The following RPGRIP1L variants were observed in gnomAD, a reference collection of about 807,000 sequenced individuals.
RPGRIP1L encodes the protein RPGRIP1 like.
RPGRIP1L carries 131 observed loss-of-function variants against 160.4 expected under a neutral mutation model. The observed-to-expected ratio is 0.82, with a 90% CI of 0.71 to 0.94. RPGRIP1L has a LOEUF of 0.94. RPGRIP1L is among the 40% of genes least tolerant of loss of function. The pLI, the probability that RPGRIP1L is intolerant of heterozygous loss-of-function variation, is 0.00. For missense variants in RPGRIP1L, 1,522 were observed against 1,535.8 expected (o/e 0.99, Z 0.15); for synonymous variants, 510 against 515.8 (o/e 0.99, Z 0.15).
chr16:53,641,604 A>G (rs1966229465), intron 17 of RPGRIP1L, 129 bp from the exon 18 acceptor site: 1 of 802,426 alleles, frequency 1.2e-6, no homozygotes, highest in East Asian at 2.7e-5. Context: ...AGGTGGTTGT[A>G]CCCCCTACTT....
rs371510877 is a variant in RPGRIP1L at position 53,687,268 on chromosome 16, G to T, written c.632+595C>A. On this transcript the variant is annotated intron_variant, in intron 5 of 26. Transcript: ENST00000647211. ...AGTATTGTTACTTTTTGATGATCCA[G>T]GTGAAGGCTTAAAGTGGAACCTTAC... is the stretch of plus-strand genomic sequence containing the variant. 2.3e-3 allele frequency among the ~76,000 whole-genome samples: 352 copies of T among 152,198 alleles called. 2 individuals carry two copies. The highest frequency in any genetic ancestry group is 7.8e-3 in the African/African-American group (323 of 41,562).
At chr16:53,673,086 G>T in intron 7 of RPGRIP1L, 70 bp from the exon 8 acceptor site, 1 of 1,378,642 alleles carries the variant, frequency 7.3e-7, no homozygotes. Flanking sequence ...TAAATGATTT[G>T]ACTAAATGAT....
intron 14 of RPGRIP1L, among the ~76,000 whole-genome samples, chr16:53,653,974 T>C (rs1967029802): frequency 6.6e-6 from 1 of 152,180 alleles, no homozygotes; most frequent in South Asian, 2.1e-4. Context: ...TGTTTTTTTG[T>C]ATGTTTTGAG....
In RPGRIP1L at chr16:53,683,615, T is replaced by A. The variant is rs575672520; in HGVS notation, c.776+2818A>T. ...TAGATGAAACAAGATTGGTAAGATG[T>A]TAATAGTTGTTAAAGCTGAGTGATG... On this transcript the variant is annotated intron_variant, in intron 6 of 26. Transcript: ENST00000647211. Among the ~76,000 whole-genome samples the A allele has an allele frequency of 2.0e-5, 3 of 151,638 alleles. No homozygotes were observed. The South Asian group carries it at 6.3e-4, about 32-fold the overall frequency.
At position 53,601,006 on chromosome 16, in the gene RPGRIP1L, AAG is replaced by A. The variant is rs1347710421; in HGVS notation, c.*1068_*1069del. On this transcript the variant is annotated 3_prime_UTR_variant, in exon 27 of 27. Coordinates refer to ENST00000647211, the MANE Select transcript of RPGRIP1L (RefSeq NM_015272.5). Reference sequence around the variant, plus strand: ...CCTTTGAAGAAAATGACAAATAAAAAAGTAAATTAAAAAATGAAATGCATTAT... The same window carrying A: ...CCTTTGAAGAAAATGACAAATAAAAATAAATTAAAAAATGAAATGCATTAT... The A allele has an allele frequency of 1.3e-5, 2 of 152,656 alleles. No individual in the cohort carries two copies. Among genetic ancestry groups the A allele is most frequent in the Non-Finnish European group, 2.9e-5 (2 of 68,038 alleles). 9.5% of individuals were successfully genotyped at this position (152,656 alleles called of 1,614,324 possible). A position where few individuals can be genotyped will look rare whatever the true frequency, so the allele number is the denominator to read the frequency against.
At chr16:53,670,689 G>C (rs944436447) in intron 9 of RPGRIP1L, among the ~76,000 whole-genome samples, 2 of 152,170 alleles carry the variant, frequency 1.3e-5, no homozygotes, top group African/African-American at 2.4e-5. Flanking sequence ...AGAGACAATT[G>C]TAAGTGGACA....
intron 14 of RPGRIP1L, among the ~76,000 whole-genome samples, chr16:53,654,338 G>A (rs146822497): frequency 6.6e-6 from 1 of 152,080 alleles, no homozygotes; most frequent in Non-Finnish European, 1.5e-5. Context: ...CTGAATTCCA[G>A]TTGGATGGAT....
intron 2 of RPGRIP1L, among the ~76,000 whole-genome samples, chr16:53,698,678 GC>G (rs1263608393): frequency 2.9e-5 from 4 of 136,280 alleles, no homozygotes; most frequent in Non-Finnish European, 6.3e-5. Context: ...GGGGGGGTCA[GC>G]CCCCCGCCCG....
chr16:53,641,012 T>C, intron 19 of RPGRIP1L, 21 bp downstream of exon 19: 1 of 1,535,472 alleles, frequency 6.5e-7, no homozygotes, highest in African/African-American at 1.4e-5. Context: ...AAAATCAGTA[T>C]TTTCAGTGTC....
intron 15 of RPGRIP1L, among the ~76,000 whole-genome samples, chr16:53,651,863 C>T (rs1966856837): frequency 6.6e-6 from 1 of 151,694 alleles, no homozygotes; most frequent in African/African-American, 2.4e-5. Flanking sequence ...TTAATAATTT[C>T]ATAAATAGCT....
intron 14 of RPGRIP1L, chr16:53,653,255 A>G: frequency 7.6e-6 from 7 of 917,206 alleles, no homozygotes; most frequent in Non-Finnish European, 9.1e-6. Flanking sequence ...TCAAAAGAAG[A>G]AAAGCGCTCT....
intron 4 of RPGRIP1L, among the ~76,000 whole-genome samples, chr16:53,689,293 T>C (rs1970231512): frequency 6.6e-6 from 1 of 152,128 alleles, no homozygotes; most frequent in Non-Finnish European, 1.5e-5. Flanking sequence ...CAGTATGCTG[T>C]TGTTGCCTAT....
chr16:53,601,981 G>T lies in RPGRIP1L; in HGVS notation c.*95C>A. ...CGCTCCCAGCTTCCCATGAATTATA[G>T]ATTATATACACCAGAGTAATTACAA... On this transcript the variant is annotated 3_prime_UTR_variant, in exon 27 of 27. Transcript: ENST00000647211. The T allele has an allele frequency of 1.3e-6, 1 of 771,444 alleles. No individual in the cohort carries two copies. The allele number at this position is 771,444 out of a possible 1,614,324, so 47.8% of individuals were successfully genotyped here.
At position 53,658,890 on chromosome 16, in the gene RPGRIP1L, A is replaced by C; in HGVS notation, c.1244-12T>G. ...TTTTTCATTTTGATCTTAAAAATAA[A>C]GTCCACACAATTGGAAAGGTAAGTA... is the stretch of plus-strand genomic sequence containing the variant. On this transcript the variant is annotated splice_polypyrimidine_tract_variant and intron_variant, in intron 10 of 26. Coordinates refer to ENST00000647211, the MANE Select transcript of RPGRIP1L (RefSeq NM_015272.5). 6.7e-7 allele frequency: 1 copy of C among 1,499,032 alleles called. No homozygotes were observed. Among genetic ancestry groups the C allele is most frequent in the Non-Finnish European group, 9.2e-7 (1 of 1,083,028 alleles). The allele number at this position is 1,499,032 out of a possible 1,614,324, so 92.9% of individuals were successfully genotyped here. A position where few individuals can be genotyped will look rare whatever the true frequency, so the allele number is the denominator to read the frequency against.
chr16:53,691,109 GT>G lies in RPGRIP1L; in HGVS notation c.529+956del, dbSNP rs1185723333. ...CCCTTTCTGTTCATAGTGGTTTTTC[GT>G]TTTTTTTTTTTTAATTCCTCAAAGA... On this transcript the variant is annotated intron_variant, in intron 4 of 26. Coordinates refer to ENST00000647211, the MANE Select transcript of RPGRIP1L (RefSeq NM_015272.5). Among the ~76,000 whole-genome samples the G allele has an allele frequency of 9.7e-3, 1,337 of 138,292 alleles. 15 individuals carry two copies. The highest frequency in any genetic ancestry group is 0.031 in the African/African-American group (1,191 of 38,108). The allele number at this position is 138,292 out of a possible 152,430, so 90.7% of individuals were successfully genotyped here.
At position 53,652,700 on chromosome 16, in the gene RPGRIP1L, C is replaced by T. The variant is rs769261779; in HGVS notation, c.1987G>A (p.Val663Ile). 8.1e-6 allele frequency: 13 copies of T among 1,614,024 alleles called. No individual in the cohort carries two copies. The highest frequency in any genetic ancestry group is 1.1e-5 in the Non-Finnish European group (13 of 1,179,990). The change falls in exon 15 of 27, where the codon GTT becomes ATT. Residue 663 changes from valine (V) to isoleucine (I), a missense_variant. Physicochemically the swap from Val to Ile is conservative, Grantham distance 29. Transcript: ENST00000647211. ...TGCAAAAATAAGTCATTAACATGAA[C>T]AAGATATTGAGAAGTGAAGTTATAT... is the stretch of plus-strand genomic sequence containing the variant. ...PEYNFTSQYL[V>I]HVNDLFLQYI...
chr16:53,664,784 G>A lies in RPGRIP1L; in HGVS notation c.1243+86C>T. 1.4e-6 allele frequency: 2 copies of A among 1,443,758 alleles called. 1 individual carries two copies. The highest frequency in any genetic ancestry group is 2.3e-5 in the South Asian group (2 of 87,426). 89.4% of individuals were successfully genotyped at this position (1,443,758 alleles called of 1,614,324 possible). Reference sequence around the variant, plus strand: ...TACATTGCGGGGATACTGGCAAACAGTAGGCACCAGAGTAAGTACTGACTG... The same window carrying A: ...TACATTGCGGGGATACTGGCAAACAATAGGCACCAGAGTAAGTACTGACTG... On this transcript the variant is annotated intron_variant, in intron 10 of 26. Coordinates refer to ENST00000647211, the MANE Select transcript of RPGRIP1L (RefSeq NM_015272.5).
In RPGRIP1L at chr16:53,645,743, G is replaced by A. The variant is rs886052096; in HGVS notation, c.2565C>T (p.Tyr855=). The change falls in exon 17 of 27, where the codon TAC becomes TAT. Residue 855 remains tyrosine, a synonymous_variant. Coordinates refer to ENST00000647211, the MANE Select transcript of RPGRIP1L (RefSeq NM_015272.5). ...AAAAACTCAGAGACTCTGACTTAAG[G>A]TATCGATCCAAGTCCATATTCATTG... ...PVPMNMDLDR[Y]LKSESLSFYV... 13 of 1,614,016 alleles carry A rather than the reference G, an allele frequency of 8.1e-6. No individual in the cohort carries two copies. Among genetic ancestry groups the A allele is most frequent in the South Asian group, 6.6e-5 (6 of 91,068 alleles).
In RPGRIP1L at chr16:53,697,108, C is replaced by T. The variant is rs188131747; in HGVS notation, c.86-813G>A. Among the ~76,000 whole-genome samples, 297 of 151,910 alleles carry T rather than the reference C, an allele frequency of 2.0e-3. 3 individuals carry two copies. The highest frequency in any genetic ancestry group is 1.9e-3 in the Non-Finnish European group (127 of 67,944). On this transcript the variant is annotated intron_variant, in intron 2 of 26. Coordinates refer to ENST00000647211, the MANE Select transcript of RPGRIP1L (RefSeq NM_015272.5). ...ACTCAGGAGGCTAAGTCTGGACAAT[C>T]GCCCAGGAGGCGGAGGTTGCAGTGA... is the stretch of plus-strand genomic sequence containing the variant.
Sources: allele counts gnomAD v4.1 joint callset (sites outside exome capture counted in the v4.1 genomes callset), GRCh38; gene constraint gnomAD v4.1.1; transcripts MANE v1.5; gene names NCBI Gene and HGNC (gene_info 2026-07-23, HGNC 2026-07-21).